The following ABCA13 variants were observed in gnomAD, a reference collection of about 807,000 sequenced individuals.
ABCA13 encodes ATP-binding cassette sub-family A member 13.
ABCA13 carries 476 observed loss-of-function variants against 478.7 expected under a neutral mutation model. The ratio of observed to expected loss-of-function variants is 0.99; its 90% CI spans 0.92 to 1.07. ABCA13 has a LOEUF of 1.07. Ranked by LOEUF, ABCA13 falls within the 50% of genes least tolerant of loss-of-function variation. The probability of loss-of-function intolerance (pLI) is 0.00; values close to 1 mark genes in which losing one functional copy is unlikely to be tolerated. For missense variants in ABCA13, 6,060 were observed against 5,910.6 expected (o/e 1.03, Z -0.83); for synonymous variants, 2,252 against 2,158.9 (o/e 1.04, Z -1.20).
chr7:48,197,687 A>T (rs1233241817), intron 2 of ABCA13, among the ~76,000 whole-genome samples: 5 of 150,524 alleles, frequency 3.3e-5, no homozygotes, highest in African/African-American at 1.2e-4. Context: ...TAAACAGCAC[A>T]TTATCCATAG....
chr7:48,587,735 A>C (rs1369851911), intron 57 of ABCA13, among the ~76,000 whole-genome samples: 1 of 152,052 alleles, frequency 6.6e-6, no homozygotes, highest in Non-Finnish European at 1.5e-5. Context: ...AGGGAAGAAA[A>C]CTCCAGCAAG....
At position 48,315,639 on chromosome 7, in the gene ABCA13, C is replaced by T. The variant is rs549858465; in HGVS notation, c.9859+1230C>T. Among the ~76,000 whole-genome samples, 210 of 152,126 alleles carry T rather than the reference C, an allele frequency of 1.4e-3. 2 individuals carry two copies. The highest frequency in any genetic ancestry group is 4.4e-3 in the African/African-American group (181 of 41,502). Reference sequence around the variant, plus strand: ...GGACTACAGGTGCCTGCCACCACGCCGGCTATTTTTTTGTATTTTTAGTAG... The same window carrying T: ...GGACTACAGGTGCCTGCCACCACGCTGGCTATTTTTTTGTATTTTTAGTAG... On this transcript the variant is annotated intron_variant, in intron 26 of 61. Coordinates refer to ENST00000435803, the MANE Select transcript of ABCA13 (RefSeq NM_152701.5).
chr7:48,643,249 T>C (rs751087627), intron 59 of ABCA13, 39 bp from the exon 60 acceptor site: 3 of 1,353,420 alleles, frequency 2.2e-6, no homozygotes, highest in African/African-American at 1.5e-5. Flanking sequence ...CTTAGGTCAA[T>C]ATGATAATAA....
chr7:48,291,593 G>T (rs980317419), intron 20 of ABCA13, among the ~76,000 whole-genome samples: 1 of 152,104 alleles, frequency 6.6e-6, no homozygotes, highest in Non-Finnish European at 1.5e-5. Context: ...TGCAATGTCC[G>T]CTTCTTAATT....
At chr7:48,578,241 G>C (rs1472593906) in intron 55 of ABCA13, among the ~76,000 whole-genome samples, 1 of 152,096 alleles carries the variant, frequency 6.6e-6, no homozygotes, top group African/African-American at 2.4e-5. Flanking sequence ...GCAGAAAAGG[G>C]AGTTAAAATC....
At chr7:48,404,936 T>G (rs1818066653) in intron 39 of ABCA13, among the ~76,000 whole-genome samples, 1 of 152,236 alleles carries the variant, frequency 6.6e-6, no homozygotes, top group Non-Finnish European at 1.5e-5. Flanking sequence ...TGACTTTTTG[T>G]TCCACTCTGG....
intron 37 of ABCA13, 54 bp from the exon 38 acceptor site, chr7:48,391,867 C>T (rs1032509133): frequency 8.5e-6 from 13 of 1,522,798 alleles, no homozygotes; most frequent in South Asian, 1.2e-5. Context: ...GGATTGCTGA[C>T]GTTCACAGTA....
At chr7:48,177,147 C>T (rs918723124) in intron 1 of ABCA13, among the ~76,000 whole-genome samples, 2 of 152,086 alleles carry the variant, frequency 1.3e-5, no homozygotes, top group Non-Finnish European at 2.9e-5. Flanking sequence ...TAAAGTATGT[C>T]TTATTTCTTT....
intron 42 of ABCA13, among the ~76,000 whole-genome samples, chr7:48,431,830 G>A (rs1276088882): frequency 6.6e-6 from 1 of 152,100 alleles, no homozygotes; most frequent in Non-Finnish European, 1.5e-5. Flanking sequence ...CAAACACTTT[G>A]TGAAACCTTC....
chr7:48,327,577 TA>T (rs1196881616), intron 27 of ABCA13, among the ~76,000 whole-genome samples: 1 of 152,148 alleles, frequency 6.6e-6, no homozygotes, highest in Non-Finnish European at 1.5e-5. Context: ...TTTTATAGAT[TA>T]AAAAAGTAGT....
intron 42 of ABCA13, among the ~76,000 whole-genome samples, chr7:48,444,267 C>G (rs1823998123): frequency 2.0e-5 from 3 of 152,190 alleles, no homozygotes; most frequent in African/African-American, 4.8e-5. Flanking sequence ...CCATAGCTCT[C>G]TCCCCTTTAC....
intron 55 of ABCA13, among the ~76,000 whole-genome samples, chr7:48,576,578 A>G (rs1585861522): frequency 6.6e-6 from 1 of 152,222 alleles, no homozygotes; most frequent in African/African-American, 2.4e-5. Context: ...AGGCTCTAGA[A>G]GACTGAGACA....
chr7:48,281,244 G>T, intron 18 of ABCA13, 99 bp from the exon 19 acceptor site: 1 of 926,654 alleles, frequency 1.1e-6, no homozygotes, highest in Non-Finnish European at 1.7e-6. Flanking sequence ...AGGGAGGATG[G>T]TTCTTACATG....
At chr7:48,328,459 A>G (rs550143102) in intron 27 of ABCA13, among the ~76,000 whole-genome samples, 3 of 152,320 alleles carry the variant, frequency 2.0e-5, no homozygotes, top group African/African-American at 7.2e-5. Flanking sequence ...ACATTTTACA[A>G]GTGGCCTTGT....
At chr7:48,300,398 T>C (rs184705054) in intron 23 of ABCA13, among the ~76,000 whole-genome samples, 1 of 152,226 alleles carries the variant, frequency 6.6e-6, no homozygotes, top group African/African-American at 2.4e-5. Context: ...AGGGAGCCAA[T>C]GTTCTGTGGG....
chr7:48,494,975 C>T (rs888616471), intron 48 of ABCA13, among the ~76,000 whole-genome samples: 1 of 151,634 alleles, frequency 6.6e-6, no homozygotes, highest in Non-Finnish European at 1.5e-5. Flanking sequence ...CTAGAGGAAT[C>T]GGGTATAGAA....
intron 10 of ABCA13, among the ~76,000 whole-genome samples, chr7:48,242,374 T>C (rs1250542288): frequency 6.6e-6 from 1 of 151,972 alleles, no homozygotes. Context: ...CCACACATTC[T>C]CAGTGCCAGG....
chr7:48,204,090 G>A lies in ABCA13; in HGVS notation c.287+5730G>A, dbSNP rs183321009. 2.7e-5 allele frequency among the ~76,000 whole-genome samples: 4 copies of A among 148,086 alleles called. No individual in the cohort carries two copies. In the South Asian group the frequency reaches 8.6e-4, roughly 32 times the overall value. On this transcript the variant is annotated intron_variant, in intron 3 of 61. Transcript: ENST00000435803. ...CTGCCTCACCTCAGCTTCTCAGTTT[G>A]CTTTTCACTCTCTTGACACTCTTTT...
chr7:48,281,044 C>T (rs1296102291), intron 18 of ABCA13, among the ~76,000 whole-genome samples: 5 of 152,178 alleles, frequency 3.3e-5, no homozygotes, highest in Admixed American at 6.5e-5. Context: ...CATGTTTTGA[C>T]ACCTTTTCAA....
Sources: allele counts gnomAD v4.1 joint callset (sites outside exome capture counted in the v4.1 genomes callset), GRCh38; gene constraint gnomAD v4.1.1; transcripts MANE v1.5; gene names NCBI Gene and HGNC (gene_info 2026-07-23, HGNC 2026-07-21).